Variants in TMEM186 observed in about 807,000 individuals in gnomAD.
The protein encoded by TMEM186 is transmembrane protein 186, also known as chromosome 16 open reading frame 51.
Under a neutral mutation model 2.5 loss-of-function variants are expected in TMEM186, and 2 were observed. The observed-to-expected ratio is 0.79, with a 90% CI of 0.32 to 2.50. The LOEUF (loss-of-function observed/expected upper bound fraction) is 2.50, where lower values mean the gene tolerates loss of function less well. TMEM186 is among the 30% of genes most tolerant of loss of function. TMEM186 has a pLI of 0.11. For synonymous variants in TMEM186, 120 were observed against 104.9 expected (o/e 1.14, Z -0.88); for missense variants, 321 against 276.5 (o/e 1.16, Z -1.14).
Position 8,796,306 on chromosome 16 carries a change from G to C in TMEM186, c.288C>G (p.Gly96=). Residue 96 remains glycine (G), a synonymous_variant, in exon 2 of 2, where the codon GGC becomes GGG. Transcript: ENST00000333050. Reference sequence around the variant, plus strand: ...GGCACACGGTGTTGAGAGTGAGGAGGCCCTGGGAGTACAAGTAATAGCCTG... The same window carrying C: ...GGCACACGGTGTTGAGAGTGAGGAGCCCCTGGGAGTACAAGTAATAGCCTG... ...LPPGYYLYSQ[G]LLTLNTVCLM... is the part of the protein sequence containing the mutation. 1 of 1,614,226 alleles carries C rather than the reference G, an allele frequency of 6.2e-7. No homozygotes were observed. The highest frequency in any genetic ancestry group is 8.5e-7 in the Non-Finnish European group (1 of 1,180,044).
chr16:8,797,454 CA>C (rs34079211), intron 1 of TMEM186, among the ~76,000 whole-genome samples, 157 bp downstream of exon 1: 140,439 of 152,122 alleles, frequency 0.92, 65,071 homozygotes, highest in East Asian at 0.98. Context: ...CCAAGGAGGG[CA>C]AGAGAAAGCC....
intron 1 of TMEM186, 88 bp from the exon 2 acceptor site, chr16:8,796,678 G>C (rs911540558): frequency 2.0e-6 from 3 of 1,474,560 alleles, no homozygotes; most frequent in African/African-American, 2.8e-5. Flanking sequence ...ATACTCTAAG[G>C]CTTCTGCCAA....
In TMEM186 at chr16:8,795,930, C is replaced by T. The variant is rs1397734711; in HGVS notation, c.*22G>A. ...TTAATCCAGGCGACCCAGGGTTACC[C>T]AGAGGTCCAGGTCCCAGTTGTTCAC... is the stretch of plus-strand genomic sequence containing the variant. On this transcript the variant is annotated 3_prime_UTR_variant, in exon 2 of 2. Transcript: ENST00000333050. The T allele has an allele frequency of 1.9e-6, 3 of 1,596,266 alleles. No homozygotes were observed. The highest frequency in any genetic ancestry group is 2.6e-6 in the Non-Finnish European group (3 of 1,168,578).
chr16:8,797,618 C>T lies in TMEM186; in HGVS notation c.-4G>A. ...TCGCCACCCGCCTCCTTACCATGGC[C>T]CCACCACCTGCTGCCGGAAGTAAAT... On this transcript the variant is annotated 5_prime_UTR_variant, in exon 1 of 2. Transcript: ENST00000333050. 6.2e-7 allele frequency: 1 copy of T among 1,605,196 alleles called. No homozygotes were observed. The highest frequency in any genetic ancestry group is 8.5e-7 in the Non-Finnish European group (1 of 1,176,296).
Position 8,796,401 on chromosome 16 carries a change from T to C in TMEM186, c.193A>G (p.Ile65Val). The change falls in exon 2 of 2, where the codon ATC becomes GTC. Residue 65 changes from isoleucine to valine, a missense_variant. By Grantham distance (29) the Ile-to-Val change is conservative (BLOSUM62 3). Coordinates refer to ENST00000333050, the MANE Select transcript of TMEM186 (RefSeq NM_015421.4). ...KFWMFYRFDA[I>V]RTFGFLSRLK... is the part of the protein sequence containing the mutation. ...CGTGACAGGAACCCGAAGGTTCTGA[T>C]GGCATCAAAACGGTAAAACATCCAG... is the stretch of plus-strand genomic sequence containing the variant. 7 of 1,614,218 alleles carry C rather than the reference T, an allele frequency of 4.3e-6. No individual in the cohort carries two copies. Among genetic ancestry groups the C allele is most frequent in the South Asian group, 3.3e-5 (3 of 91,088 alleles).
chr16:8,795,979 CA>C lies in TMEM186; in HGVS notation c.614del (p.Val205GlyfsTer94), dbSNP rs778253252. On this transcript the variant is annotated frameshift_variant, in exon 2 of 2. Transcript: ENST00000333050. LOFTEE classifies it high-confidence loss of function. ...RILDRERFTQ[V>X]FGVHQMLK Reference sequence around the variant, plus strand: ...ACTTGAGCATCTGATGTACCCCAAACACCTGTGTGAAACGCTCTCTGTCCAG... The same window carrying C: ...ACTTGAGCATCTGATGTACCCCAAACCCTGTGTGAAACGCTCTCTGTCCAG... The C allele has an allele frequency of 6.2e-7, 1 of 1,613,892 alleles. No individual in the cohort carries two copies. Among genetic ancestry groups the C allele is most frequent in the African/African-American group, 1.3e-5 (1 of 75,062 alleles).
rs561925238 is a variant in TMEM186, at chr16:8,796,569, G to A, written c.25C>T (p.Arg9Cys). The A allele has an allele frequency of 4.7e-5, 76 of 1,613,156 alleles. No homozygotes were observed. The highest frequency in any genetic ancestry group is 6.0e-5 in the Non-Finnish European group (71 of 1,179,798). The change falls in exon 2 of 2, where the codon CGT becomes TGT. Residue 9 changes from arginine (R) to cysteine (C), a missense_variant. Physicochemically the swap from Arg to Cys is radical, Grantham distance 180. Coordinates refer to ENST00000333050, the MANE Select transcript of TMEM186 (RefSeq NM_015421.4). MAALLRAV[R>C]RFRGKAVWER... ...CACACAGCTTTTCCCCGAAACCTAC[G>A]CACAGCTCGGAGAAGGGCAGCCTGA...
In TMEM186 at chr16:8,796,195, C is replaced by T; in HGVS notation, c.399G>A (p.Leu133=). The T allele has an allele frequency of 6.2e-7, 1 of 1,614,214 alleles. No individual in the cohort carries two copies. The highest frequency in any genetic ancestry group is 8.5e-7 in the Non-Finnish European group (1 of 1,180,050). The change falls in exon 2 of 2, where the codon CTG becomes CTA. Residue 133 remains leucine (L), a synonymous_variant. Coordinates refer to ENST00000333050, the MANE Select transcript of TMEM186 (RefSeq NM_015421.4). ...CCCGCAGCATGGTGCCAGACTCATT[C>T]AGATACAGGATACCAACCAGTCTCC... ...FLRRLVGILY[L]NESGTMLRVA...
At position 8,796,599 on chromosome 16, in the gene TMEM186, G is replaced by C. The variant is rs2060578238; in HGVS notation, c.4-9C>G. 2 of 1,608,820 alleles carry C rather than the reference G, an allele frequency of 1.2e-6. No homozygotes were observed. The highest frequency in any genetic ancestry group is 1.7e-6 in the Non-Finnish European group (2 of 1,178,520). On this transcript the variant is annotated splice_polypyrimidine_tract_variant and intron_variant, in intron 1 of 1. Transcript: ENST00000333050. ...GCTCGGAGAAGGGCAGCCTGAAAGG[G>C]AGACAGTAGACCATTTCTCTCATGG...
rs775421550 is a variant in TMEM186 at position 8,796,271 on chromosome 16, C to T, written c.323G>A (p.Gly108Glu). The change falls in exon 2 of 2, where the codon GGG (glycine) becomes GAG (glutamate). Residue 108 changes from glycine to glutamate, a missense_variant. By Grantham distance (98) the Gly-to-Glu change is moderately conservative. Coordinates refer to ENST00000333050, the MANE Select transcript of TMEM186 (RefSeq NM_015421.4). ...CATGGTCAGGGCAAAGCCCGATATCCCACTCATGAGGCACACGGTGTTGAG... is the reference window on the plus strand; with the variant it reads ...CATGGTCAGGGCAAAGCCCGATATCTCACTCATGAGGCACACGGTGTTGAG... ...LTLNTVCLMS[G>E]ISGFALTMLC... 2 of 1,614,154 alleles carry T rather than the reference C, an allele frequency of 1.2e-6. No homozygotes were observed. The highest frequency in any genetic ancestry group is 2.2e-5 in the East Asian group (1 of 44,864).
At position 8,795,957 on chromosome 16, in the gene TMEM186, T is replaced by G; in HGVS notation, c.637A>C (p.Lys213Gln). Residue 213 changes from lysine (K) to glutamine (Q), a missense_variant, in exon 2 of 2, where the codon AAG (lysine) becomes CAG (glutamine). Coordinates refer to ENST00000333050, the MANE Select transcript of TMEM186 (RefSeq NM_015421.4). ...TQVFGVHQML[K>Q] ...GAGGTCCAGGTCCCAGTTGTTCACT[T>G]GAGCATCTGATGTACCCCAAACACC... 6.8e-6 allele frequency: 11 copies of G among 1,610,172 alleles called. No homozygotes were observed. Among genetic ancestry groups the G allele is most frequent in the Non-Finnish European group, 8.5e-6 (10 of 1,176,910 alleles).
At chr16:8,796,650 G>A in intron 1 of TMEM186, 60 bp from the exon 2 acceptor site, 6 of 1,564,768 alleles carry the variant, frequency 3.8e-6, no homozygotes, top group Middle Eastern at 1.7e-4. Flanking sequence ...ATCACACGGT[G>A]AACATCTGCA....
Position 8,796,294 on chromosome 16 carries a change from G to A in TMEM186, c.300C>T (p.Leu100=), listed in dbSNP as rs1726096498. The A allele has an allele frequency of 1.9e-6, 3 of 1,614,202 alleles. No homozygotes were observed. Among genetic ancestry groups the A allele is most frequent in the African/African-American group, 2.7e-5 (2 of 75,050 alleles). ...TCCCACTCATGAGGCACACGGTGTT[G>A]AGAGTGAGGAGGCCCTGGGAGTACA... is the stretch of plus-strand genomic sequence containing the variant. ...YYLYSQGLLT[L]NTVCLMSGIS... The change falls in exon 2 of 2, where the codon CTC becomes CTT. Residue 100 remains leucine, a synonymous_variant. Coordinates refer to ENST00000333050, the MANE Select transcript of TMEM186 (RefSeq NM_015421.4).
chr16:8,795,993 GCTCT>G lies in TMEM186; in HGVS notation c.597_600del (p.Arg199SerfsTer99), dbSNP rs745393656. Reference sequence around the variant, plus strand: ...TGTACCCCAAACACCTGTGTGAAACGCTCTCTGTCCAGGATGCGTCCATAGCGCA... The same window carrying G: ...TGTACCCCAAACACCTGTGTGAAACGCTGTCCAGGATGCGTCCATAGCGCA... On this transcript the variant is annotated frameshift_variant, in exon 2 of 2. Coordinates refer to ENST00000333050, the MANE Select transcript of TMEM186 (RefSeq NM_015421.4). LOFTEE classifies it low-confidence loss of function (END_TRUNC). 1 of 1,614,104 alleles carries G rather than the reference GCTCT, an allele frequency of 6.2e-7. No individual in the cohort carries two copies. The highest frequency in any genetic ancestry group is 1.3e-5 in the African/African-American group (1 of 75,052).
Position 8,795,723 on chromosome 16 carries a change from C to T in TMEM186, c.*229G>A. On this transcript the variant is annotated 3_prime_UTR_variant, in exon 2 of 2. Coordinates refer to ENST00000333050, the MANE Select transcript of TMEM186 (RefSeq NM_015421.4). ...CTTAACAAAAACTTCTGGCCATTAT[C>T]TGACTGAATGTCACAAACAAGTGCT... The T allele has an allele frequency of 1.9e-6, 1 of 524,330 alleles. No homozygotes were observed. The highest frequency in any genetic ancestry group is 3.4e-6 in the Non-Finnish European group (1 of 298,462). The allele number at this position is 524,330 out of a possible 1,614,324, so 32.5% of individuals were successfully genotyped here.
At position 8,796,526 on chromosome 16, in the gene TMEM186, C is replaced by T; in HGVS notation, c.68G>A (p.Gly23Glu). 6.2e-7 allele frequency: 1 copy of T among 1,614,184 alleles called. No homozygotes were observed. The highest frequency in any genetic ancestry group is 1.1e-5 in the South Asian group (1 of 91,084). ...CTCCTGCCCACTGCAGCACCACAGC[C>T]CATGGAGAGGCCTTTCCCACACAGC... Reference protein sequence around the residue: ...GKAVWERPLHGLWCCSGQEDP... With the variant: ...GKAVWERPLHELWCCSGQEDP... Residue 23 changes from glycine to glutamate, a missense_variant, in exon 2 of 2, where the codon GGG (glycine) becomes GAG (glutamate). By Grantham distance (98) the Gly-to-Glu change is moderately conservative. Transcript: ENST00000333050.
intron 1 of TMEM186, among the ~76,000 whole-genome samples, chr16:8,797,289 A>C (rs2060582877): frequency 6.6e-6 from 1 of 152,128 alleles, no homozygotes; most frequent in Admixed American, 6.5e-5. Context: ...TTGTGAGCAA[A>C]TTACTCCACA....
Position 8,796,333 on chromosome 16 carries a change from T to G in TMEM186, c.261A>C (p.Pro87=). ...AQTALTVVAL[P]PGYYLYSQGL... ...CCTGGGAGTACAAGTAATAGCCTGG[T>G]GGCAAAGCTACCACTGTCAGGGCAG... The change falls in exon 2 of 2, where the codon CCA becomes CCC. Residue 87 remains proline (P), a synonymous_variant. Coordinates refer to ENST00000333050, the MANE Select transcript of TMEM186 (RefSeq NM_015421.4). 6.2e-7 allele frequency: 1 copy of G among 1,614,218 alleles called. No individual in the cohort carries two copies. Among genetic ancestry groups the G allele is most frequent in the East Asian group, 2.2e-5 (1 of 44,884 alleles).
chr16:8,795,665 T>C lies in TMEM186; in HGVS notation c.*287A>G. Reference sequence around the variant, plus strand: ...CTTTCACACCAATGGACTCTATGGGTGACCTTGGCATAGGTTCTTCTAAGA... The same window carrying C: ...CTTTCACACCAATGGACTCTATGGGCGACCTTGGCATAGGTTCTTCTAAGA... On this transcript the variant is annotated 3_prime_UTR_variant, in exon 2 of 2. Coordinates refer to ENST00000333050, the MANE Select transcript of TMEM186 (RefSeq NM_015421.4). 2.7e-6 allele frequency: 1 copy of C among 364,226 alleles called. No homozygotes were observed. The highest frequency in any genetic ancestry group is 5.0e-6 in the Non-Finnish European group (1 of 198,822). The allele number at this position is 364,226 out of a possible 1,614,324, so 22.6% of individuals were successfully genotyped here. A position where few individuals can be genotyped will look rare whatever the true frequency, so the allele number is the denominator to read the frequency against.
Sources: allele counts gnomAD v4.1 joint callset (sites outside exome capture counted in the v4.1 genomes callset), GRCh38; gene constraint gnomAD v4.1.1; transcripts MANE v1.5; gene names NCBI Gene and HGNC (gene_info 2026-07-23, HGNC 2026-07-21).